The following PLEKHG4 variants were observed in gnomAD, a reference collection of about 807,000 sequenced individuals.
The protein encoded by PLEKHG4 is pleckstrin homology and RhoGEF domain containing G4.
PLEKHG4 carries 85 observed loss-of-function variants against 136.9 expected under a neutral mutation model. The observed-to-expected ratio is 0.62, with a 90% CI of 0.52 to 0.74. The LOEUF is 0.74. Ranked by LOEUF, PLEKHG4 falls within the 30% of genes least tolerant of loss-of-function variation. The pLI, the probability that PLEKHG4 is intolerant of heterozygous loss-of-function variation, is 0.00. For missense variants in PLEKHG4, 1,317 were observed against 1,527.8 expected (o/e 0.86, Z 2.30); for synonymous variants, 577 against 646.9 (o/e 0.89, Z 1.64).
At position 67,279,913 on chromosome 16, in the gene PLEKHG4, G is replaced by A. The variant is rs2036132265; in HGVS notation, c.-132G>A. 1 of 858,998 alleles carries A rather than the reference G, an allele frequency of 1.2e-6. No homozygotes were observed. Among genetic ancestry groups the A allele is most frequent in the Non-Finnish European group, 1.8e-6 (1 of 557,748 alleles). The allele number at this position is 858,998 out of a possible 1,614,324, so 53.2% of individuals were successfully genotyped here. A position where few individuals can be genotyped will look rare whatever the true frequency, so the allele number is the denominator to read the frequency against. ...GTTCCTGTGCCCTGGCACTAAGACT[G>A]GCACCTCCTGCGGCCCATGCCCTTC... On this transcript the variant is annotated 5_prime_UTR_variant, in exon 2 of 22. Transcript: ENST00000379344.
In PLEKHG4 at chr16:67,284,549, G is replaced by A. The variant is rs1285815686; in HGVS notation, c.1692+92G>A. 1.3e-6 allele frequency: 2 copies of A among 1,500,158 alleles called. No individual in the cohort carries two copies. The highest frequency in any genetic ancestry group is 1.4e-5 in the African/African-American group (1 of 72,504). 92.9% of individuals were successfully genotyped at this position (1,500,158 alleles called of 1,614,324 possible). On this transcript the variant is annotated intron_variant, in intron 12 of 21. Coordinates refer to ENST00000379344, the MANE Select transcript of PLEKHG4 (RefSeq NM_001129729.3). The surrounding 1 kb of genome is among the most constrained non-coding windows in gnomAD (Gnocchi z 4.4). Reference sequence around the variant, plus strand: ...CAGAGCCTGAGCTTTTCTTGGTCATGCTGCCTGTTCTCTTCCCTGGTCTTC... The same window carrying A: ...CAGAGCCTGAGCTTTTCTTGGTCATACTGCCTGTTCTCTTCCCTGGTCTTC...
intron 9 of PLEKHG4, 71 bp downstream of exon 9, chr16:67,282,420 C>T: frequency 6.2e-7 from 1 of 1,612,772 alleles, no homozygotes; most frequent in Non-Finnish European, 8.5e-7. Context: ...ATCTGGCTAG[C>T]TCAGAACCTG....
At position 67,285,219 on chromosome 16, in the gene PLEKHG4, T is replaced by TGGGCAGTAGGCAGGGCGGGGA. The variant is rs769802814; in HGVS notation, c.2195+13_2195+33dup. 5 of 1,613,620 alleles carry TGGGCAGTAGGCAGGGCGGGGA rather than the reference T, an allele frequency of 3.1e-6. No individual in the cohort carries two copies. The African/African-American group carries it at 6.7e-5, about 22-fold the overall frequency. The stretch of plus-strand genomic sequence containing the variant: ...CTGACCCCAGGAGCCTCAACAGGTA[T>TGGGCAGTAGGCAGGGCGGGGA]GGGCAGTAGGCAGGGCGGGGAGGGC... On this transcript the variant is annotated splice_donor_region_variant and intron_variant, in intron 13 of 21. Coordinates refer to ENST00000379344, the MANE Select transcript of PLEKHG4 (RefSeq NM_001129729.3).
intron 5 of PLEKHG4, 117 bp downstream of exon 5, chr16:67,281,301 GCAAACT>G: frequency 2.5e-6 from 2 of 816,128 alleles, no homozygotes; most frequent in Admixed American, 4.0e-5. Context: ...TTGGCTCACT[GCAAACT>G]CTATCTCCCC....
Position 67,281,565 on chromosome 16 carries a change from A to G in PLEKHG4, c.814-2A>G. On this transcript the variant is annotated splice_acceptor_variant, in intron 5 of 21. Transcript: ENST00000379344. LOFTEE classifies it high-confidence loss of function. Reference sequence around the variant, plus strand: ...ATAGTGCTGAGCTCAGGTTCCTTGCAGGAAGCAGCCCCAGGGGCCGTGTAC... The same window carrying G: ...ATAGTGCTGAGCTCAGGTTCCTTGCGGGAAGCAGCCCCAGGGGCCGTGTAC... 1 of 1,613,178 alleles carries G rather than the reference A, an allele frequency of 6.2e-7. No individual in the cohort carries two copies. Among genetic ancestry groups the G allele is most frequent in the Non-Finnish European group, 8.5e-7 (1 of 1,179,474 alleles).
At position 67,284,610 on chromosome 16, in the gene PLEKHG4, C is replaced by T; in HGVS notation, c.1693-103C>T. ...TAAAACCCAGTCACTGGGGCTGTGT[C>T]CTGGACAGCATCCTGTGGGGATGGG... is the stretch of plus-strand genomic sequence containing the variant. On this transcript the variant is annotated intron_variant, in intron 12 of 21. Coordinates refer to ENST00000379344, the MANE Select transcript of PLEKHG4 (RefSeq NM_001129729.3). This position sits in a 1 kb window ranked among gnomAD's most constrained non-coding sequence, Gnocchi z 4.4. 12 of 1,504,944 alleles carry T rather than the reference C, an allele frequency of 8.0e-6. No homozygotes were observed. The highest frequency in any genetic ancestry group is 1.4e-5 in the African/African-American group (1 of 72,766). 93.2% of individuals were successfully genotyped at this position (1,504,944 alleles called of 1,614,324 possible). A position where few individuals can be genotyped will look rare whatever the true frequency, so the allele number is the denominator to read the frequency against.
At chr16:67,286,399 C>T (rs113595234) in intron 15 of PLEKHG4, 36 bp downstream of exon 15, 79 of 1,604,732 alleles carry the variant, frequency 4.9e-5, no homozygotes, top group African/African-American at 1.2e-4. Flanking sequence ...GTAGGGGATG[C>T]GGGGAGTGCC....
rs2036372130 is a variant in PLEKHG4, at chr16:67,284,469, T to C, written c.1692+12T>C. ...AGCTCTTCAGGGAGGTGGGTGAGAG[T>C]CTCCCCAGCTCCAAGTGATCCATGA... On this transcript the variant is annotated intron_variant, in intron 12 of 21. Transcript: ENST00000379344. The surrounding 1 kb of genome is among the most constrained non-coding windows in gnomAD (Gnocchi z 4.4). 1.2e-6 allele frequency: 2 copies of C among 1,610,698 alleles called. No homozygotes were observed. The highest frequency in any genetic ancestry group is 1.7e-5 in the Admixed American group (1 of 59,896).
chr16:67,281,434 C>G (rs766644564), intron 5 of PLEKHG4, 133 bp from the exon 6 acceptor site: 23 of 798,946 alleles, frequency 2.9e-5, no homozygotes, highest in Non-Finnish European at 4.5e-5. Context: ...CATGTGTTGC[C>G]CAGGCTGATC....
At chr16:67,286,205 T>C in intron 14 of PLEKHG4, 69 bp from the exon 15 acceptor site, 1 of 1,103,932 alleles carries the variant, frequency 9.1e-7, no homozygotes, top group Non-Finnish European at 1.4e-6. Flanking sequence ...AAGCTGAGGG[T>C]GGTCTAGCCT....
At position 67,279,939 on chromosome 16, in the gene PLEKHG4, G is replaced by A; in HGVS notation, c.-106G>A. The A allele has an allele frequency of 2.5e-6, 3 of 1,185,614 alleles. No homozygotes were observed. The highest frequency in any genetic ancestry group is 2.9e-5 in the South Asian group (2 of 68,340). 73.4% of individuals were successfully genotyped at this position (1,185,614 alleles called of 1,614,324 possible). On this transcript the variant is annotated 5_prime_UTR_variant, in exon 2 of 22. Transcript: ENST00000379344. ...GCACCTCCTGCGGCCCATGCCCTTC[G>A]CCTGCATTGCCCACTGAGTCCCACT... is the stretch of plus-strand genomic sequence containing the variant.
At position 67,281,564 on chromosome 16, in the gene PLEKHG4, C is replaced by T; in HGVS notation, c.814-3C>T. On this transcript the variant is annotated splice_polypyrimidine_tract_variant and splice_region_variant and intron_variant, in intron 5 of 21. Transcript: ENST00000379344. ...GATAGTGCTGAGCTCAGGTTCCTTG[C>T]AGGAAGCAGCCCCAGGGGCCGTGTA... The T allele has an allele frequency of 6.2e-7, 1 of 1,612,852 alleles. No individual in the cohort carries two copies. The highest frequency in any genetic ancestry group is 1.1e-5 in the South Asian group (1 of 91,006).
In PLEKHG4 at chr16:67,284,924, C is replaced by T; in HGVS notation, c.1904C>T (p.Thr635Ile). 1.2e-6 allele frequency: 2 copies of T among 1,612,788 alleles called. No homozygotes were observed. Among genetic ancestry groups the T allele is most frequent in the Non-Finnish European group, 1.7e-6 (2 of 1,179,866 alleles). ...CRWAWARCQD[T>I]WLALDQKLEA... ...TGGGCCTGGGCGCGGTGCCAGGACA[C>T]CTGGCTGGCCCTGGACCAAAAGCTT... The change falls in exon 13 of 22, where the codon ACC becomes ATC. Residue 635 changes from threonine (T) to isoleucine (I), a missense_variant. Coordinates refer to ENST00000379344, the MANE Select transcript of PLEKHG4 (RefSeq NM_001129729.3). This position sits in a 1 kb window ranked among gnomAD's most constrained non-coding sequence, Gnocchi z 4.4.
rs1202549642 is a variant in PLEKHG4 at position 67,280,450 on chromosome 16, G to A, written c.406G>A (p.Ala136Thr). The change falls in exon 2 of 22, where the codon GCG (alanine) becomes ACG (threonine). Residue 136 changes from alanine to threonine, a missense_variant. Coordinates refer to ENST00000379344, the MANE Select transcript of PLEKHG4 (RefSeq NM_001129729.3). This position sits in a 1 kb window ranked among gnomAD's most constrained non-coding sequence, Gnocchi z 4.4. The part of the protein sequence containing the change: ...GLVGDPGPSR[A>T]MPSGLSPGAL... ...GGTAGGGGACCCAGGTCCAAGCAGG[G>A]CGATGCCATCTGGCTTGAGCCCTGG... 6 of 1,600,678 alleles carry A rather than the reference G, an allele frequency of 3.7e-6. No homozygotes were observed. In the Middle Eastern group the frequency reaches 6.7e-4, roughly 177 times the overall value.
chr16:67,288,101 T>C (rs771371206), intron 19 of PLEKHG4, 66 bp from the exon 20 acceptor site: 691 of 1,559,622 alleles, frequency 4.4e-4, no homozygotes, highest in Non-Finnish European at 5.9e-4. Context: ...TGGCCCGCAC[T>C]TTCCTTGGGA....
At chr16:67,287,707 TA>T (rs1410018926) in intron 18 of PLEKHG4, 190 bp from the exon 19 acceptor site, 3 of 652,168 alleles carry the variant, frequency 4.6e-6, no homozygotes, top group African/African-American at 3.6e-5. Flanking sequence ...GCCTCATCTT[TA>T]AAAGGGGAAT....
intron 11 of PLEKHG4, among the ~76,000 whole-genome samples, chr16:67,283,658 C>A (rs1203330476): frequency 2.0e-5 from 3 of 151,998 alleles, no homozygotes; most frequent in African/African-American, 7.3e-5. Context: ...ATGAGGTCAT[C>A]TTGGGGGAAG....
At position 67,279,540 on chromosome 16, in the gene PLEKHG4, G is replaced by A. The variant is rs2036110724; in HGVS notation, c.-256G>A. 6.6e-6 allele frequency: 1 copy of A among 151,480 alleles called. No individual in the cohort carries two copies. Among genetic ancestry groups the A allele is most frequent in the Non-Finnish European group, 1.5e-5 (1 of 67,848 alleles). 9.4% of individuals were successfully genotyped at this position (151,480 alleles called of 1,614,324 possible). A position where few individuals can be genotyped will look rare whatever the true frequency, so the allele number is the denominator to read the frequency against. The stretch of plus-strand genomic sequence containing the variant: ...CCAGGAGGCGGTGTCCCGTGACGCC[G>A]CGCGGCCGCGCTGTAGTGGCCGTCG... On this transcript the variant is annotated 5_prime_UTR_variant, in exon 1 of 22. Coordinates refer to ENST00000379344, the MANE Select transcript of PLEKHG4 (RefSeq NM_001129729.3).
chr16:67,284,238 GGCCTGGGCTGGCTGA>G lies in PLEKHG4; in HGVS notation c.1510-32_1510-18del. 2 of 1,600,164 alleles carry G rather than the reference GGCCTGGGCTGGCTGA, an allele frequency of 1.2e-6. No homozygotes were observed. Among genetic ancestry groups the G allele is most frequent in the Non-Finnish European group, 1.7e-6 (2 of 1,169,458 alleles). On this transcript the variant is annotated intron_variant, in intron 11 of 21. Transcript: ENST00000379344. The surrounding 1 kb of genome is among the most constrained non-coding windows in gnomAD (Gnocchi z 4.4). ...TCTGAGTCTGGGGGCTAGACCGCCA[GGCCTGGGCTGGCTGA>G]GCCTAGTCTCTGTCTCTGCAGGAGC...
Sources: allele counts gnomAD v4.1 joint callset (sites outside exome capture counted in the v4.1 genomes callset), GRCh38; gene constraint gnomAD v4.1.1; non-coding constraint Gnocchi (gnomAD v3.1); transcripts MANE v1.5; gene names NCBI Gene and HGNC (gene_info 2026-07-23, HGNC 2026-07-21).